The following CABP1 variants were observed in gnomAD, a reference collection of about 807,000 sequenced individuals.
CABP1 encodes the protein calcium binding protein 1.
CABP1 carries 17 observed loss-of-function variants against 34.3 expected under a neutral mutation model. That is an observed-to-expected ratio of 0.50 (90% CI 0.34 to 0.74). The LOEUF (loss-of-function observed/expected upper bound fraction) is 0.74. Ranked by LOEUF, CABP1 falls within the 30% of genes least tolerant of loss-of-function variation. CABP1 has a pLI of 0.01. For missense variants in CABP1, 373 were observed against 511.1 expected, an observed-to-expected ratio of 0.73 and a Z score of 2.61; for synonymous variants, 198 against 229.2, an observed-to-expected ratio of 0.86 and a Z score of 1.23.
chr12:120,658,467 A>AC (rs1048367775), intron 1 of CABP1, among the ~76,000 whole-genome samples: 1 of 151,678 alleles, frequency 6.6e-6, no homozygotes, highest in Non-Finnish European at 1.5e-5. Flanking sequence ...GGTGACTCCT[A>AC]CCCCCAGCCT....
intron 1 of CABP1, chr12:120,655,826 CGTGCGT>C (rs74906883): frequency 0.47 from 658,947 of 1,400,496 alleles, 104,215 homozygotes; most frequent in Non-Finnish European, 0.49. Context: ...CCAGTGCGTG[CGTGCGT>C]GTGTGTGTGT....
chr12:120,660,242 C>T lies in CABP1; in HGVS notation c.732C>T (p.Tyr244=), dbSNP rs1269516102. 6.2e-7 allele frequency: 1 copy of T among 1,614,208 alleles called. No individual in the cohort carries two copies. Among genetic ancestry groups the T allele is most frequent in the Non-Finnish European group, 8.5e-7 (1 of 1,180,028 alleles). Residue 244 remains tyrosine, a synonymous_variant, in exon 3 of 6, where the codon TAC becomes TAT. Coordinates refer to ENST00000316803, the MANE Select transcript of CABP1 (RefSeq NM_001033677.2). This position sits in a 1 kb window ranked among gnomAD's most constrained non-coding sequence, Gnocchi z 5.0. ...AATTCGACAAGGACAAGGATGGCTA[C>T]ATCAACTGCCGGGATCTGGGCAACT... The part of the protein sequence containing the change: ...FREFDKDKDG[Y]INCRDLGNCM...
In CABP1 at chr12:120,660,395, T is replaced by G. The variant is rs1880552850; in HGVS notation, c.829+56T>G. The G allele has an allele frequency of 6.4e-7, 1 of 1,568,814 alleles. No homozygotes were observed. Among genetic ancestry groups the G allele is most frequent in the South Asian group, 1.2e-5 (1 of 86,756 alleles). On this transcript the variant is annotated intron_variant, in intron 3 of 5. Transcript: ENST00000316803. This position sits in a 1 kb window ranked among gnomAD's most constrained non-coding sequence, Gnocchi z 5.0. Reference sequence around the variant, plus strand: ...TTCGGTCCTCACCCTTGCCGTCCTCTGCAGTCAGACAGGACTGGCTTCAAA... The same window carrying G: ...TTCGGTCCTCACCCTTGCCGTCCTCGGCAGTCAGACAGGACTGGCTTCAAA...
the CABP1 span, among the ~76,000 whole-genome samples, chr12:120,677,233 G>A: frequency 1.3e-5 from 2 of 148,678 alleles, no homozygotes; most frequent in African/African-American, 5.0e-5. Flanking sequence ...GACCACAGGC[G>A]CCTGCCACCA....
chr12:120,677,966 C>T, the CABP1 span, among the ~76,000 whole-genome samples: 32 of 152,292 alleles, frequency 2.1e-4, no homozygotes, highest in East Asian at 7.7e-4. Context: ...GTTGGGGACC[C>T]GGCCAGGTTT....
chr12:120,668,033 A>T, downstream of CABP1, among the ~76,000 whole-genome samples: 1 of 152,172 alleles, frequency 6.6e-6, no homozygotes, highest in South Asian at 2.1e-4. Context: ...ATCATATAGG[A>T]TTACAAATTG....
At chr12:120,677,241 C>G in the CABP1 span, among the ~76,000 whole-genome samples, 3 of 151,906 alleles carry the variant, frequency 2.0e-5, 1 homozygote, top group South Asian at 6.2e-4. Flanking sequence ...GCGCCTGCCA[C>G]CATGCCTGGC....
the CABP1 span, among the ~76,000 whole-genome samples, chr12:120,676,587 C>A: frequency 6.6e-6 from 1 of 152,024 alleles, no homozygotes; most frequent in African/African-American, 2.4e-5. Flanking sequence ...GCCACCACAC[C>A]CGGCTAATTT....
At chr12:120,655,840 T>C (rs941283005) in intron 1 of CABP1, 2 of 1,532,320 alleles carry the variant, frequency 1.3e-6, no homozygotes, top group South Asian at 1.2e-5. Flanking sequence ...CGTGTGTGTG[T>C]GTGTGTGTGT....
chr12:120,657,152 C>T (rs976905342), intron 1 of CABP1, among the ~76,000 whole-genome samples: 20 of 152,136 alleles, frequency 1.3e-4, no homozygotes, highest in African/African-American at 4.3e-4. Context: ...GCTAGTGCAA[C>T]TAAGGAACTG....
At chr12:120,652,880 C>T (rs562107220) in intron 1 of CABP1, among the ~76,000 whole-genome samples, 6 of 152,222 alleles carry the variant, frequency 3.9e-5, no homozygotes, top group African/African-American at 1.2e-4. Context: ...GAGAAATTGT[C>T]GGTCCATGGG....
the CABP1 span, among the ~76,000 whole-genome samples, chr12:120,677,390 CTTTTTTTTTTTTTT>C: frequency 1.3e-5 from 1 of 76,794 alleles, no homozygotes; most frequent in Admixed American, 1.6e-4. Flanking sequence ...GCCCAGCCTT[CTTTTTTTTTTTTTT>C]TTTTTTTTTT....
At chr12:120,670,082 A>G (rs977470374), downstream of CABP1, among the ~76,000 whole-genome samples, 2 of 151,854 alleles carry the variant, frequency 1.3e-5, no homozygotes, top group African/African-American at 2.4e-5. Context: ...AGCTCACTGC[A>G]GTCTTGAACT....
intron 1 of CABP1, chr12:120,650,278 T>C (rs1310672238): frequency 2.2e-5 from 7 of 312,972 alleles, no homozygotes; most frequent in African/African-American, 6.4e-5. Flanking sequence ...TAATCTGATG[T>C]AGATGATCCG....
intron 5 of CABP1, among the ~76,000 whole-genome samples, chr12:120,664,025 G>C (rs1475879870): frequency 6.6e-6 from 1 of 152,240 alleles, no homozygotes; most frequent in East Asian, 1.9e-4. Context: ...TTCAAGGCCA[G>C]GGAGCGTGGA....
At chr12:120,654,851 C>T (rs773439997) in intron 1 of CABP1, among the ~76,000 whole-genome samples, 15 of 152,158 alleles carry the variant, frequency 9.9e-5, no homozygotes, top group East Asian at 1.9e-4. Flanking sequence ...ACCTTCAGGG[C>T]GGAGGATCGG....
downstream of CABP1, among the ~76,000 whole-genome samples, chr12:120,669,653 C>G (rs757261385): frequency 3.9e-5 from 6 of 151,988 alleles, no homozygotes; most frequent in African/African-American, 9.7e-5. Context: ...ATTAGGGAGT[C>G]TGAGGCAAGA....
In CABP1 at chr12:120,652,255, C is replaced by T. The variant is rs899030698; in HGVS notation, c.655-7623C>T. 5.3e-5 allele frequency among the ~76,000 whole-genome samples: 8 copies of T among 152,106 alleles called. No individual in the cohort carries two copies. In the East Asian group the frequency reaches 5.8e-4, roughly 11 times the overall value. Reference sequence around the variant, plus strand: ...TGTTCCACTCTGGGTTTTAGAGAAGCGGGATGGAGGAGAAACAGGAAATAG... The same window carrying T: ...TGTTCCACTCTGGGTTTTAGAGAAGTGGGATGGAGGAGAAACAGGAAATAG... On this transcript the variant is annotated intron_variant, in intron 1 of 5. Coordinates refer to ENST00000316803, the MANE Select transcript of CABP1 (RefSeq NM_001033677.2).
intron 1 of CABP1, among the ~76,000 whole-genome samples, chr12:120,646,931 C>T (rs73222780): frequency 0.02 from 3,025 of 152,312 alleles, 50 homozygotes; most frequent in South Asian, 0.033. Flanking sequence ...GGATCCCTTG[C>T]TATCCTCAAA....
Sources: gnomAD v4.1 joint callset for allele counts (sites outside exome capture counted in the v4.1 genomes callset) on GRCh38, gnomAD v4.1.1 for gene constraint, Gnocchi (gnomAD v3.1) non-coding constraint, MANE v1.5 for transcripts, NCBI Gene and HGNC (gene_info 2026-07-23, HGNC 2026-07-21) for gene names.